The following CUX2 variants were observed in gnomAD, a reference collection of about 807,000 sequenced individuals.
The protein encoded by CUX2 is homeobox protein cut-like 2.
Under a neutral mutation model 144.8 loss-of-function variants are expected in CUX2, and 40 were observed. That is an observed-to-expected ratio of 0.28 (90% CI 0.21 to 0.36). The LOEUF (loss-of-function observed/expected upper bound fraction) is 0.36. CUX2 is among the 10% of genes least tolerant of loss of function. CUX2 has a pLI of 1.00. For synonymous variants in CUX2, 827 were observed against 875.6 expected (o/e 0.94, Z 0.98); for missense variants, 1,615 against 1,994.0 (o/e 0.81, Z 3.62).
intron 1 of CUX2, among the ~76,000 whole-genome samples, chr12:111,106,697 G>C (rs916031120): frequency 1.1e-4 from 17 of 152,218 alleles, no homozygotes; most frequent in Admixed American, 5.2e-4. Context: ...GAAGACTTCC[G>C]CGAGAAGGGC....
At chr12:111,125,159 T>C (rs1292199133) in intron 1 of CUX2, among the ~76,000 whole-genome samples, 5 of 151,556 alleles carry the variant, frequency 3.3e-5, no homozygotes, top group Non-Finnish European at 7.4e-5. Flanking sequence ...ATTCCCTCTC[T>C]ATGGATTTAC....
Position 111,263,907 on chromosome 12 carries a change from A to G in CUX2, c.301+68A>G. On this transcript the variant is annotated intron_variant, in intron 4 of 21. Coordinates refer to ENST00000261726, the MANE Select transcript of CUX2 (RefSeq NM_015267.4). This position sits in a 1 kb window ranked among gnomAD's most constrained non-coding sequence, Gnocchi z 4.0. ...TAAATAGCCATTAGGACTGTGACAC[A>G]GGGACTTTGAGGTGGGATGTGGGGA... The G allele has an allele frequency of 7.0e-7, 1 of 1,419,196 alleles. No individual in the cohort carries two copies. 87.9% of individuals were successfully genotyped at this position (1,419,196 alleles called of 1,614,324 possible).
At chr12:111,106,698 C>T (rs947788596) in intron 1 of CUX2, among the ~76,000 whole-genome samples, 7 of 152,142 alleles carry the variant, frequency 4.6e-5, no homozygotes, top group African/African-American at 7.2e-5. Context: ...AAGACTTCCG[C>T]GAGAAGGGCC....
chr12:111,160,725 C>T lies in CUX2; in HGVS notation c.64-53475C>T, dbSNP rs1566263567. On this transcript the variant is annotated intron_variant, in intron 1 of 21. Coordinates refer to ENST00000261726, the MANE Select transcript of CUX2 (RefSeq NM_015267.4). The surrounding 1 kb of genome is among the most constrained non-coding windows in gnomAD (Gnocchi z 4.1). ...CTGGAACAGCACCGTGGGGGGCAGG[C>T]GGTGGCCTGGAGGAGGAGGCTTGGT... Among the ~76,000 whole-genome samples the T allele has an allele frequency of 1.3e-5, 2 of 152,048 alleles. No homozygotes were observed. Among genetic ancestry groups the T allele is most frequent in the Admixed American group, 1.3e-4 (2 of 15,270 alleles).
chr12:111,330,956 C>T (rs1888098170), intron 18 of CUX2, among the ~76,000 whole-genome samples: 1 of 150,686 alleles, frequency 6.6e-6, no homozygotes, highest in African/African-American at 2.4e-5. Context: ...AGGGAAGGGA[C>T]ATTTAGGACT....
At chr12:111,245,908 C>T (rs1343838913) in intron 3 of CUX2, among the ~76,000 whole-genome samples, 1 of 152,114 alleles carries the variant, frequency 6.6e-6, no homozygotes, top group Non-Finnish European at 1.5e-5. Context: ...ATGGACAACG[C>T]AGGCACAGAT....
At chr12:111,194,589 C>T (rs577999545) in intron 1 of CUX2, among the ~76,000 whole-genome samples, 1 of 152,344 alleles carries the variant, frequency 6.6e-6, no homozygotes, top group Non-Finnish European at 1.5e-5. Flanking sequence ...TTGCAGCCTC[C>T]TGTAGCAGGG....
At chr12:111,198,211 C>T (rs1367870704) in intron 1 of CUX2, among the ~76,000 whole-genome samples, 1 of 152,158 alleles carries the variant, frequency 6.6e-6, no homozygotes, top group African/African-American at 2.4e-5. Flanking sequence ...GCGGGTGGCT[C>T]ATGCCTGTAA....
chr12:111,212,110 G>A (rs559912106), intron 1 of CUX2, among the ~76,000 whole-genome samples: 5 of 152,048 alleles, frequency 3.3e-5, no homozygotes, highest in East Asian at 1.9e-4. Flanking sequence ...CCACCTGGCC[G>A]CGCCAGTCTA....
chr12:111,283,877 T>C (rs1306722228), intron 4 of CUX2, among the ~76,000 whole-genome samples: 3 of 152,192 alleles, frequency 2.0e-5, no homozygotes, highest in South Asian at 2.1e-4. Flanking sequence ...GCCTGTGGTA[T>C]GTTTTTAATG....
intron 1 of CUX2, among the ~76,000 whole-genome samples, chr12:111,150,785 A>G (rs1376555611): frequency 6.6e-6 from 1 of 152,134 alleles, no homozygotes; most frequent in African/African-American, 2.4e-5. Context: ...TGTGGAGGCC[A>G]GGGAGGAAAA....
chr12:111,271,815 G>C (rs938370607), intron 4 of CUX2, among the ~76,000 whole-genome samples: 1 of 152,152 alleles, frequency 6.6e-6, no homozygotes, highest in Non-Finnish European at 1.5e-5. Context: ...TTCTACCAGA[G>C]AGTAGATTAT....
Position 111,171,175 on chromosome 12 carries a change from G to A in CUX2, c.64-43025G>A, listed in dbSNP as rs1463608723. 1.3e-5 allele frequency among the ~76,000 whole-genome samples: 2 copies of A among 152,130 alleles called. No individual in the cohort carries two copies. The highest frequency in any genetic ancestry group is 1.3e-4 in the Admixed American group (2 of 15,280). ...ACTTGGGGGTGACAGAGATGGAGAA[G>A]TTGGGCAACCCCCAGTCTGATGGAC... On this transcript the variant is annotated intron_variant, in intron 1 of 21. Coordinates refer to ENST00000261726, the MANE Select transcript of CUX2 (RefSeq NM_015267.4). This position sits in a 1 kb window ranked among gnomAD's most constrained non-coding sequence, Gnocchi z 5.0.
chr12:111,148,546 G>A (rs898306253), intron 1 of CUX2, among the ~76,000 whole-genome samples: 5 of 152,102 alleles, frequency 3.3e-5, no homozygotes, highest in African/African-American at 1.2e-4. Context: ...TATATTTTAC[G>A]ATAAAAAGTA....
chr12:111,178,921 G>A lies in CUX2; in HGVS notation c.64-35279G>A, dbSNP rs1769486246. Among the ~76,000 whole-genome samples, 1 of 152,164 alleles carries A rather than the reference G, an allele frequency of 6.6e-6. No individual in the cohort carries two copies. ...TCTGTAACGGGGAATGACAGCAAGGGGGTCAGCGGTCGGCGCAGGGGAAAG... is the reference window on the plus strand; with the variant it reads ...TCTGTAACGGGGAATGACAGCAAGGAGGTCAGCGGTCGGCGCAGGGGAAAG... On this transcript the variant is annotated intron_variant, in intron 1 of 21. Transcript: ENST00000261726. This position sits in a 1 kb window ranked among gnomAD's most constrained non-coding sequence, Gnocchi z 5.7.
At position 111,287,982 on chromosome 12, in the gene CUX2, G is replaced by C. The variant is rs1271002566; in HGVS notation, c.302-3436G>C. Among the ~76,000 whole-genome samples, 1 of 152,198 alleles carries C rather than the reference G, an allele frequency of 6.6e-6. No individual in the cohort carries two copies. The highest frequency in any genetic ancestry group is 1.5e-5 in the Non-Finnish European group (1 of 68,036). ...ACATGCAGTCTGGCCTTGCCTTGTCGAGTTTGCAGTCCAGTGGGTGTTAAT... is the reference window on the plus strand; with the variant it reads ...ACATGCAGTCTGGCCTTGCCTTGTCCAGTTTGCAGTCCAGTGGGTGTTAAT... On this transcript the variant is annotated intron_variant, in intron 4 of 21. Transcript: ENST00000261726. This position sits in a 1 kb window ranked among gnomAD's most constrained non-coding sequence, Gnocchi z 4.2.
In CUX2 at chr12:111,038,835, C is replaced by G. The variant is rs114491552; in HGVS notation, c.63+4595C>G. Among the ~76,000 whole-genome samples, 452 of 151,464 alleles carry G rather than the reference C, an allele frequency of 3.0e-3. 3 individuals carry two copies. The highest frequency in any genetic ancestry group is 0.01 in the African/African-American group (433 of 41,290). ...TGTAGAAAATGGAGAAACCACGGAC[C>G]AGCTAAAAGAAGCAAATAAGTGTCT... On this transcript the variant is annotated intron_variant, in intron 1 of 21. Transcript: ENST00000261726.
rs1869351792 is a variant in CUX2 at position 111,034,927 on chromosome 12, C to G, written c.63+687C>G. On this transcript the variant is annotated intron_variant, in intron 1 of 21. Coordinates refer to ENST00000261726, the MANE Select transcript of CUX2 (RefSeq NM_015267.4). This position sits in a 1 kb window ranked among gnomAD's most constrained non-coding sequence, Gnocchi z 4.2. Reference sequence around the variant, plus strand: ...CGCAAGCGCCGGCAGACCTCTTCTCCTCGGGCCGGGGTCTTGGGGTTCGTC... The same window carrying G: ...CGCAAGCGCCGGCAGACCTCTTCTCGTCGGGCCGGGGTCTTGGGGTTCGTC... Among the ~76,000 whole-genome samples the G allele has an allele frequency of 6.6e-6, 1 of 151,730 alleles. No individual in the cohort carries two copies. The highest frequency in any genetic ancestry group is 2.1e-4 in the South Asian group (1 of 4,838).
Position 111,304,156 on chromosome 12 carries a change from G to A in CUX2, c.754-54G>A. 1.4e-6 allele frequency: 2 copies of A among 1,431,804 alleles called. No homozygotes were observed. Among genetic ancestry groups the A allele is most frequent in the South Asian group, 1.2e-5 (1 of 83,136 alleles). 88.7% of individuals were successfully genotyped at this position (1,431,804 alleles called of 1,614,324 possible). A position where few individuals can be genotyped will look rare whatever the true frequency, so the allele number is the denominator to read the frequency against. On this transcript the variant is annotated intron_variant, in intron 9 of 21. Transcript: ENST00000261726. This position sits in a 1 kb window ranked among gnomAD's most constrained non-coding sequence, Gnocchi z 4.7. ...CCTGCCTGAAACAGTGCAGGGAGAA[G>A]GTGGAAGTGCAGAGTGGGCTCACCT...
Sources: gnomAD v4.1 joint callset for allele counts (sites outside exome capture counted in the v4.1 genomes callset) on GRCh38, gnomAD v4.1.1 for gene constraint, Gnocchi (gnomAD v3.1) non-coding constraint, MANE v1.5 for transcripts, NCBI Gene and HGNC (gene_info 2026-07-23, HGNC 2026-07-21) for gene names.